RGS7: variants seen among roughly 807,000 people sequenced by gnomAD.
The protein encoded by RGS7 is regulator of G-protein signaling 7.
A neutral mutation model predicts 81.1 loss-of-function variants in RGS7; 27 were observed. The observed-to-expected ratio is 0.33, with a 90% CI of 0.25 to 0.46. RGS7 has a LOEUF of 0.46. Ranked by LOEUF, RGS7 falls within the 20% of genes least tolerant of loss-of-function variation. The pLI is 1.00. For synonymous variants in RGS7, 208 were observed against 207.7 expected (o/e 1.00, Z -0.01); for missense variants, 396 against 607.4 (o/e 0.65, Z 3.66).
intron 2 of RGS7, among the ~76,000 whole-genome samples, chr1:241,108,766 A>T (rs1050933045): frequency 6.6e-6 from 1 of 152,156 alleles, no homozygotes; most frequent in African/African-American, 2.4e-5. Context: ...CGAATACTTT[A>T]ATCAATTGCT....
chr1:241,150,020 T>C (rs182893644), intron 2 of RGS7, among the ~76,000 whole-genome samples: 20 of 152,300 alleles, frequency 1.3e-4, no homozygotes, highest in Admixed American at 3.9e-4. Context: ...GTGAACTGCC[T>C]GCCTCGGCTT....
intron 4 of RGS7, among the ~76,000 whole-genome samples, chr1:240,969,433 T>C (rs1402076071): frequency 6.6e-6 from 1 of 152,164 alleles, no homozygotes. Flanking sequence ...AGTGTAGAAA[T>C]ATCAAGCTCT....
chr1:241,107,419 T>G (rs557133131), intron 2 of RGS7, among the ~76,000 whole-genome samples: 1 of 152,348 alleles, frequency 6.6e-6, no homozygotes, highest in East Asian at 1.9e-4. Flanking sequence ...TCTTGTGCTG[T>G]GGATGATTAG....
chr1:241,295,581 C>T (rs1362303304), intron 2 of RGS7, among the ~76,000 whole-genome samples: 1 of 152,156 alleles, frequency 6.6e-6, no homozygotes. Flanking sequence ...ACACAGGCCA[C>T]GTCCTAAAGG....
chr1:241,036,681 G>C (rs141256992), intron 3 of RGS7, among the ~76,000 whole-genome samples: 97 of 152,270 alleles, frequency 6.4e-4, no homozygotes, highest in African/African-American at 2.3e-3. Context: ...GGATAGTTAG[G>C]AACAAGGATT....
intron 2 of RGS7, among the ~76,000 whole-genome samples, chr1:241,173,664 C>T (rs1217368735): frequency 6.6e-6 from 1 of 152,094 alleles, no homozygotes; most frequent in Admixed American, 6.5e-5. Context: ...GTCTGTAGTC[C>T]CAGCTACTCA....
At chr1:241,286,312 C>T (rs1368247034) in intron 2 of RGS7, among the ~76,000 whole-genome samples, 1 of 152,178 alleles carries the variant, frequency 6.6e-6, no homozygotes, top group Non-Finnish European at 1.5e-5. Context: ...CGTGACAAAC[C>T]TGAGACTAGA....
intron 6 of RGS7, among the ~76,000 whole-genome samples, chr1:240,871,946 C>A (rs979979197): frequency 6.6e-6 from 1 of 152,138 alleles, no homozygotes; most frequent in Non-Finnish European, 1.5e-5. Flanking sequence ...CCCATCTAAT[C>A]TTTATTATTT....
intron 2 of RGS7, among the ~76,000 whole-genome samples, chr1:241,199,666 A>G (rs2073351143): frequency 6.9e-6 from 1 of 144,480 alleles, no homozygotes; most frequent in Non-Finnish European, 1.5e-5. Flanking sequence ...TTCCCTTTCA[A>G]AATAAGCTGT....
At chr1:241,113,607 A>G (rs1319604669) in intron 2 of RGS7, among the ~76,000 whole-genome samples, 2 of 152,224 alleles carry the variant, frequency 1.3e-5, no homozygotes, top group African/African-American at 2.4e-5. Flanking sequence ...AACAACTTTG[A>G]TAACCTCTGG....
At chr1:240,852,497 T>G (rs1466364043) in intron 9 of RGS7, among the ~76,000 whole-genome samples, 1 of 152,202 alleles carries the variant, frequency 6.6e-6, no homozygotes. Context: ...ATCTCCAAGG[T>G]ATGCCTCTAC....
At chr1:241,204,814 G>A (rs144402551) in intron 2 of RGS7, among the ~76,000 whole-genome samples, 1 of 152,032 alleles carries the variant, frequency 6.6e-6, no homozygotes, top group South Asian at 2.1e-4. Flanking sequence ...TATGTGAGAT[G>A]ATATAGTTAA....
intron 2 of RGS7, among the ~76,000 whole-genome samples, chr1:241,149,400 A>G (rs2068587544): frequency 6.6e-6 from 1 of 151,928 alleles, no homozygotes; most frequent in South Asian, 2.1e-4. Context: ...CAGGTGATCT[A>G]CCCACCTTGA....
intron 4 of RGS7, among the ~76,000 whole-genome samples, chr1:240,973,082 A>T (rs971158537): frequency 5.3e-5 from 8 of 151,438 alleles, no homozygotes; most frequent in Non-Finnish European, 1.2e-4. Context: ...CACAGGGTAC[A>T]GGTTGTACCT....
At chr1:241,333,064 T>C (rs1315054421) in intron 2 of RGS7, among the ~76,000 whole-genome samples, 1 of 152,244 alleles carries the variant, frequency 6.6e-6, no homozygotes. Context: ...GGTCTTATTT[T>C]GTTTTTGAAG....
At chr1:241,219,493 C>A (rs963790786) in intron 2 of RGS7, among the ~76,000 whole-genome samples, 1 of 152,096 alleles carries the variant, frequency 6.6e-6, no homozygotes, top group Admixed American at 6.6e-5. Context: ...TGAAAACAGA[C>A]GAATACACAG....
chr1:240,863,299 C>T (rs1001942392), intron 9 of RGS7, among the ~76,000 whole-genome samples: 7 of 152,016 alleles, frequency 4.6e-5, no homozygotes, highest in Non-Finnish European at 1.0e-4. Context: ...CATGGTGAAA[C>T]CCCGTCTCTA....
chr1:240,781,063 GGTTT>G (rs778089711), intron 18 of RGS7, among the ~76,000 whole-genome samples: 9 of 150,828 alleles, frequency 6.0e-5, no homozygotes, highest in African/African-American at 9.8e-5. Context: ...CTCTTTCTAT[GGTTT>G]TGTTTTTATT....
At chr1:240,991,953 A>G (rs909109242) in intron 3 of RGS7, among the ~76,000 whole-genome samples, 4 of 152,234 alleles carry the variant, frequency 2.6e-5, no homozygotes, top group Non-Finnish European at 5.9e-5. Context: ...GAGATAAAGA[A>G]AATGTTTATT....
Sources: gnomAD v4.1 joint callset for allele counts (sites outside exome capture counted in the v4.1 genomes callset) on GRCh38, gnomAD v4.1.1 for gene constraint, MANE v1.5 for transcripts, NCBI Gene and HGNC (gene_info 2026-07-23, HGNC 2026-07-21) for gene names.